Variants in LGALSL observed in about 807,000 individuals in gnomAD.
The protein encoded by LGALSL is galectin like, also known as galectin-related protein.
Under a neutral mutation model 19.5 loss-of-function variants are expected in LGALSL, and 13 were observed. The observed-to-expected ratio is 0.67, with a 90% CI of 0.43 to 1.06. LGALSL has a LOEUF of 1.06. Among genes scored for constraint, LGALSL ranks in the 50% least tolerant of loss-of-function variants. The pLI is 0.00. For synonymous variants in LGALSL, 86 were observed against 78.3 expected, an observed-to-expected ratio of 1.10 and a Z score of -0.52; for missense variants, 189 against 219.3, an observed-to-expected ratio of 0.86 and a Z score of 0.87.
intron 4 of LGALSL, among the ~76,000 whole-genome samples, chr2:64,457,356 C>G (rs1453912534): frequency 2.6e-5 from 4 of 151,362 alleles, no homozygotes; most frequent in Non-Finnish European, 4.4e-5. Flanking sequence ...CCCAGGAATT[C>G]AAGGCTGCAG....
Position 64,456,476 on chromosome 2 carries a change from C to T in LGALSL, c.375+11C>T, listed in dbSNP as rs199755352. 96 of 1,540,002 alleles carry T rather than the reference C, an allele frequency of 6.2e-5. No individual in the cohort carries two copies. In the African/African-American group the frequency reaches 1.1e-3, roughly 17 times the overall value. ...GACCAGCCATTCAGGGTGAGTACCTCGAGTGCCTCGGCTCCAGCCACTGGC... is the reference window on the plus strand; with the variant it reads ...GACCAGCCATTCAGGGTGAGTACCTTGAGTGCCTCGGCTCCAGCCACTGGC... On this transcript the variant is annotated intron_variant, in intron 4 of 4. Transcript: ENST00000238875.
At chr2:64,457,753 A>C (rs954099954) in intron 4 of LGALSL, among the ~76,000 whole-genome samples, 3 of 152,166 alleles carry the variant, frequency 2.0e-5, no homozygotes, top group African/African-American at 7.2e-5. Flanking sequence ...TTGACCCATT[A>C]TCTCTCCTCA....
Position 64,454,563 on chromosome 2 carries a change from C to T in LGALSL, c.18C>T (p.Ala6=). 1 of 1,452,452 alleles carries T rather than the reference C, an allele frequency of 6.9e-7. No individual in the cohort carries two copies. The highest frequency in any genetic ancestry group is 1.4e-5 in the South Asian group (1 of 73,546). 90.0% of individuals were successfully genotyped at this position (1,452,452 alleles called of 1,614,324 possible). A position where few individuals can be genotyped will look rare whatever the true frequency, so the allele number is the denominator to read the frequency against. ...GCAAGAAGATGGCGGGATCAGTGGCCGACAGCGATGCCGTGGTGGTGAGTG... is the reference window on the plus strand; with the variant it reads ...GCAAGAAGATGGCGGGATCAGTGGCTGACAGCGATGCCGTGGTGGTGAGTG... MAGSV[A]DSDAVVKLDD... Residue 6 remains alanine (A), a synonymous_variant, in exon 1 of 5, where the codon GCC becomes GCT. Coordinates refer to ENST00000238875, the MANE Select transcript of LGALSL (RefSeq NM_014181.3). The surrounding 1 kb of genome is among the most constrained non-coding windows in gnomAD (Gnocchi z 5.1).
intron 2 of LGALSL, 30 bp from the exon 3 acceptor site, chr2:64,455,559 A>C: frequency 6.3e-7 from 1 of 1,598,370 alleles, no homozygotes; most frequent in Non-Finnish European, 8.6e-7. Context: ...CAGGCTGTAA[A>C]ATTCATTTTT....
intron 1 of LGALSL, 79 bp from the exon 2 acceptor site, chr2:64,455,265 A>C: frequency 1.1e-6 from 1 of 911,688 alleles, no homozygotes; most frequent in African/African-American, 1.6e-5. Flanking sequence ...GCTGGATTCC[A>C]CCACATCTGT....
chr2:64,454,329 C>T lies in LGALSL; in HGVS notation c.-217C>T. ...TCTGGGCCGCGGCAAGCACCTTCGCCCTCCCAGCTCGCGCTGCCTCCCTCC... is the reference window on the plus strand; with the variant it reads ...TCTGGGCCGCGGCAAGCACCTTCGCTCTCCCAGCTCGCGCTGCCTCCCTCC... On this transcript the variant is annotated 5_prime_UTR_variant, in exon 1 of 5. Transcript: ENST00000238875. This position sits in a 1 kb window ranked among gnomAD's most constrained non-coding sequence, Gnocchi z 5.1. 1 of 393,354 alleles carries T rather than the reference C, an allele frequency of 2.5e-6. No individual in the cohort carries two copies. The allele number at this position is 393,354 out of a possible 1,614,324, so 24.4% of individuals were successfully genotyped here. A position where few individuals can be genotyped will look rare whatever the true frequency, so the allele number is the denominator to read the frequency against.
intron 3 of LGALSL, among the ~76,000 whole-genome samples, 172 bp downstream of exon 3, chr2:64,455,849 T>C (rs961292969): frequency 6.6e-6 from 1 of 152,160 alleles, no homozygotes; most frequent in Non-Finnish European, 1.5e-5. Flanking sequence ...CCAGCCATCA[T>C]TTCTCCAGAC....
rs1399711147 is a variant in LGALSL at position 64,454,752 on chromosome 2, A to G, written c.36+171A>G. On this transcript the variant is annotated intron_variant, in intron 1 of 4. Transcript: ENST00000238875. The surrounding 1 kb of genome is among the most constrained non-coding windows in gnomAD (Gnocchi z 5.1). The stretch of plus-strand genomic sequence containing the variant: ...CCGCTGGCTGCGCGCGGCCGGTGTT[A>G]GGGGCTGGAGAGGCTCCCGGGCTGC... Among the ~76,000 whole-genome samples, 1 of 151,802 alleles carries G rather than the reference A, an allele frequency of 6.6e-6. No individual in the cohort carries two copies. The highest frequency in any genetic ancestry group is 6.6e-5 in the Admixed American group (1 of 15,264).
At position 64,454,342 on chromosome 2, in the gene LGALSL, G is replaced by T; in HGVS notation, c.-204G>T. On this transcript the variant is annotated 5_prime_UTR_variant, in exon 1 of 5. Transcript: ENST00000238875. This position sits in a 1 kb window ranked among gnomAD's most constrained non-coding sequence, Gnocchi z 5.1. ...AAGCACCTTCGCCCTCCCAGCTCGCGCTGCCTCCCTCCCCTCCCCTCCTCC... is the reference window on the plus strand; with the variant it reads ...AAGCACCTTCGCCCTCCCAGCTCGCTCTGCCTCCCTCCCCTCCCCTCCTCC... 1 of 392,546 alleles carries T rather than the reference G, an allele frequency of 2.5e-6. No individual in the cohort carries two copies. Among genetic ancestry groups the T allele is most frequent in the Non-Finnish European group, 4.5e-6 (1 of 222,828 alleles). The allele number at this position is 392,546 out of a possible 1,614,324, so 24.3% of individuals were successfully genotyped here. A position where few individuals can be genotyped will look rare whatever the true frequency, so the allele number is the denominator to read the frequency against.
In LGALSL at chr2:64,458,951, TGTA is replaced by T. The variant is rs879067399; in HGVS notation, c.*526_*528del. The T allele has an allele frequency of 3.9e-5, 6 of 152,296 alleles. No individual in the cohort carries two copies. The highest frequency in any genetic ancestry group is 4.8e-5 in the African/African-American group (2 of 41,470). 9.4% of individuals were successfully genotyped at this position (152,296 alleles called of 1,614,324 possible). ...TTAATTCAGATTGTTGAAGCTTTCT[TGTA>T]GTTATTTATTTATACTCAATGTATG... On this transcript the variant is annotated 3_prime_UTR_variant, in exon 5 of 5. Coordinates refer to ENST00000238875, the MANE Select transcript of LGALSL (RefSeq NM_014181.3).
chr2:64,459,280 C>T lies in LGALSL; in HGVS notation c.*852C>T, dbSNP rs1320897297. The T allele has an allele frequency of 2.0e-5, 3 of 152,188 alleles. No homozygotes were observed. The highest frequency in any genetic ancestry group is 7.2e-5 in the African/African-American group (3 of 41,434). The allele number at this position is 152,188 out of a possible 1,614,324, so 9.4% of individuals were successfully genotyped here. ...TTACTGGGAATTAGCACATTATTGG[C>T]TTCCTTAAGACTAATTATTTCTCTC... On this transcript the variant is annotated 3_prime_UTR_variant, in exon 5 of 5. Coordinates refer to ENST00000238875, the MANE Select transcript of LGALSL (RefSeq NM_014181.3).
At position 64,454,326 on chromosome 2, in the gene LGALSL, C is replaced by T; in HGVS notation, c.-220C>T. The T allele has an allele frequency of 2.5e-6, 1 of 393,506 alleles. No individual in the cohort carries two copies. The highest frequency in any genetic ancestry group is 1.3e-4 in the South Asian group (1 of 7,824). 24.4% of individuals were successfully genotyped at this position (393,506 alleles called of 1,614,324 possible). The stretch of plus-strand genomic sequence containing the variant: ...CGTTCTGGGCCGCGGCAAGCACCTT[C>T]GCCCTCCCAGCTCGCGCTGCCTCCC... On this transcript the variant is annotated 5_prime_UTR_variant, in exon 1 of 5. Coordinates refer to ENST00000238875, the MANE Select transcript of LGALSL (RefSeq NM_014181.3). This position sits in a 1 kb window ranked among gnomAD's most constrained non-coding sequence, Gnocchi z 5.1.
Position 64,459,508 on chromosome 2 carries a change from T to C in LGALSL, c.*1080T>C, listed in dbSNP as rs1686784826. ...TATATCAACTTAAGCTGTTAGCTCA[T>C]TGTATAACTTTTCTTATGTGACCCT... On this transcript the variant is annotated 3_prime_UTR_variant, in exon 5 of 5. Transcript: ENST00000238875. The C allele has an allele frequency of 6.6e-6, 1 of 152,222 alleles. No individual in the cohort carries two copies. The highest frequency in any genetic ancestry group is 2.1e-4 in the South Asian group (1 of 4,836). The allele number at this position is 152,222 out of a possible 1,614,324, so 9.4% of individuals were successfully genotyped here. A position where few individuals can be genotyped will look rare whatever the true frequency, so the allele number is the denominator to read the frequency against.
chr2:64,455,610 A>G lies in LGALSL; in HGVS notation c.130A>G (p.Ile44Val), dbSNP rs769943658. The change falls in exon 3 of 5, where the codon ATT becomes GTT. Residue 44 changes from isoleucine to valine, a missense_variant. Physicochemically the swap from Ile to Val is conservative, Grantham distance 29 (BLOSUM62 3). Coordinates refer to ENST00000238875, the MANE Select transcript of LGALSL (RefSeq NM_014181.3). ...TCAGATAGTTCCATTTTGTGGGCAC[A>G]TTAAAGGTGGCATGAGACCAGGCAA... ...PRLIVPFCGH[I>V]KGGMRPGKKV... The G allele has an allele frequency of 3.7e-6, 6 of 1,613,986 alleles. No individual in the cohort carries two copies. Among genetic ancestry groups the G allele is most frequent in the Non-Finnish European group, 5.1e-6 (6 of 1,179,904 alleles).
chr2:64,457,669 A>G (rs1205752705), intron 4 of LGALSL, among the ~76,000 whole-genome samples: 1 of 152,214 alleles, frequency 6.6e-6, no homozygotes, highest in Non-Finnish European at 1.5e-5. Flanking sequence ...GGGGAAAATA[A>G]GAATCCATGA....
chr2:64,455,406 C>G lies in LGALSL; in HGVS notation c.99C>G (p.Phe33Leu), dbSNP rs772545585. The change falls in exon 2 of 5, where the codon TTC becomes TTG. Residue 33 changes from phenylalanine to leucine, a missense_variant. By Grantham distance (22) the Phe-to-Leu change is conservative. This residue lies in a region of LGALSL where 62 missense variants were observed against 49.0 expected (regional missense o/e 1.27). Transcript: ENST00000238875. Reference protein sequence around the residue: ...LSSPVQADVYFPRLIVPFCGH... With the variant: ...LSSPVQADVYLPRLIVPFCGH... ...CTCCAGTTCAAGCGGACGTGTACTTCCCACGACTGGTAAATGATTTTGCTC... is the reference window on the plus strand; with the variant it reads ...CTCCAGTTCAAGCGGACGTGTACTTGCCACGACTGGTAAATGATTTTGCTC... 2.5e-6 allele frequency: 4 copies of G among 1,612,372 alleles called. No individual in the cohort carries two copies. Among genetic ancestry groups the G allele is most frequent in the East Asian group, 2.2e-5 (1 of 44,882 alleles).
Position 64,458,471 on chromosome 2 carries a change from A to T in LGALSL, c.*43A>T. On this transcript the variant is annotated 3_prime_UTR_variant, in exon 5 of 5. Transcript: ENST00000238875. ...TCAAATAGGATCACGTGCCACAACT[A>T]TCTGACTGTTGGTCTGGAAGAAGTG... 3 of 1,578,796 alleles carry T rather than the reference A, an allele frequency of 1.9e-6. No individual in the cohort carries two copies. The highest frequency in any genetic ancestry group is 2.6e-6 in the Non-Finnish European group (3 of 1,155,618).
Position 64,454,873 on chromosome 2 carries a change from G to A in LGALSL, c.36+292G>A, listed in dbSNP as rs1304500759. On this transcript the variant is annotated intron_variant, in intron 1 of 4. Coordinates refer to ENST00000238875, the MANE Select transcript of LGALSL (RefSeq NM_014181.3). This position sits in a 1 kb window ranked among gnomAD's most constrained non-coding sequence, Gnocchi z 5.1. ...GTGCAACCGCCAGCCAGGTGTGCGC[G>A]TGGGTGAGTGTGTCCGGGGCGCGCG... Among the ~76,000 whole-genome samples the A allele has an allele frequency of 6.6e-6, 1 of 151,280 alleles. No individual in the cohort carries two copies. Among genetic ancestry groups the A allele is most frequent in the Non-Finnish European group, 1.5e-5 (1 of 67,734 alleles).
Position 64,459,413 on chromosome 2 carries a change from A to G in LGALSL, c.*985A>G, listed in dbSNP as rs1686783698. The stretch of plus-strand genomic sequence containing the variant: ...TAGTATAAACTTTTAAAAGAATAAT[A>G]TGAAAATGACTGTGGAATGCAGTGT... On this transcript the variant is annotated 3_prime_UTR_variant, in exon 5 of 5. Transcript: ENST00000238875. 6.6e-6 allele frequency: 1 copy of G among 152,238 alleles called. No homozygotes were observed. The highest frequency in any genetic ancestry group is 2.4e-5 in the African/African-American group (1 of 41,454). 9.4% of individuals were successfully genotyped at this position (152,238 alleles called of 1,614,324 possible).
Sources: allele counts gnomAD v4.1 joint callset (sites outside exome capture counted in the v4.1 genomes callset), GRCh38; gene constraint gnomAD v4.1.1; regional missense constraint gnomAD v4.1.1; non-coding constraint Gnocchi (gnomAD v3.1); transcripts MANE v1.5; gene names NCBI Gene and HGNC (gene_info 2026-07-23, HGNC 2026-07-21).